The following HOTAIR variants were observed in gnomAD, a reference collection of about 807,000 sequenced individuals.
The protein encoded by HOTAIR is HOX transcript antisense RNA, also known as HOX transcript antisense RNA (non-protein coding).
At chr12:53,972,932 G>T (rs1378039612) in intron 1 of HOTAIR, among the ~76,000 whole-genome samples, 1 of 122,984 alleles carries the variant, frequency 8.1e-6, no homozygotes, top group East Asian at 2.8e-4. Flanking sequence ...CTCCTCCTTT[G>T]CTCGTGCTGT....
exon 7 of HOTAIR, chr12:53,963,343 C>G (rs909925773): frequency 7.9e-5 from 12 of 152,240 alleles, no homozygotes; most frequent in Admixed American, 4.6e-4. Context: ...AAACACACTC[C>G]CAACCCCTTT....
At chr12:53,974,841 G>T (rs755786865) in intron 1 of HOTAIR, 6 of 244,240 alleles carry the variant, frequency 2.5e-5, no homozygotes, top group Non-Finnish European at 4.7e-5. Flanking sequence ...GGCGGCCCAG[G>T]AAGGGCCCGA....
intron 1 of HOTAIR, among the ~76,000 whole-genome samples, chr12:53,971,773 A>G (rs1330742389): frequency 6.6e-6 from 1 of 152,222 alleles, no homozygotes; most frequent in Admixed American, 6.5e-5. Context: ...ACCTTTCAAT[A>G]AAGTGATTTT....
chr12:53,964,542 C>T (rs1939014698), intron 5 of HOTAIR, among the ~76,000 whole-genome samples: 1 of 152,202 alleles, frequency 6.6e-6, no homozygotes, highest in Non-Finnish European at 1.5e-5. Context: ...CAGCTTCCCC[C>T]ATTTGGAATT....
chr12:53,962,947 C>G (rs1223080018), exon 7 of HOTAIR: 2 of 152,216 alleles, frequency 1.3e-5, no homozygotes, highest in Non-Finnish European at 2.9e-5. Flanking sequence ...ATGCATTCTT[C>G]TAGACCTAAT....
chr12:53,965,740 A>AGAAG (rs376812530), intron 5 of HOTAIR, among the ~76,000 whole-genome samples: 4,338 of 152,218 alleles, frequency 0.028, 84 homozygotes, highest in Non-Finnish European at 0.04. Flanking sequence ...CAGGAGAAAA[A>AGAAG]GAAGGAAGGA....
At chr12:53,971,517 A>G (rs1446636135) in intron 1 of HOTAIR, among the ~76,000 whole-genome samples, 2 of 152,238 alleles carry the variant, frequency 1.3e-5, no homozygotes, top group Non-Finnish European at 2.9e-5. Context: ...GCACCTTATC[A>G]TGTTTCATCA....
At chr12:53,963,984 T>C (rs1939004349) in exon 7 of HOTAIR, 1 of 152,290 alleles carries the variant, frequency 6.6e-6, no homozygotes, top group Admixed American at 6.5e-5. Context: ...TTCCGGGAAC[T>C]GCCGCCTTGC....
chr12:53,974,939 C>T (rs1939228241), exon 1 of HOTAIR: 1 of 523,620 alleles, frequency 1.9e-6, no homozygotes, highest in African/African-American at 2.0e-5. Context: ...TCAGCCGCGG[C>T]TCTCGCCTGA....
rs755752688 is a variant in HOTAIR, at chr12:53,973,813, C to T, written n.59+1085G>A. On this transcript the variant is annotated intron_variant and non_coding_transcript_variant, in intron 1 of 6. Transcript: ENST00000424518. The surrounding 1 kb of genome is among the most constrained non-coding windows in gnomAD (Gnocchi z 4.3). ...GCACCCCCGGCCTCGGGACTGGCGT[C>T]CCGGGCTGAGGCGGGTGCCGAGGCG... 256 of 1,536,562 alleles carry T rather than the reference C, an allele frequency of 1.7e-4. No homozygotes were observed. The highest frequency in any genetic ancestry group is 8.4e-4 in the South Asian group (71 of 84,362).
intron 1 of HOTAIR, chr12:53,974,005 G>C (rs1939201686): frequency 1.6e-6 from 2 of 1,241,848 alleles, no homozygotes; most frequent in South Asian, 3.3e-5. Context: ...GGAGGCAAGG[G>C]GAGCGGGGAC....
At chr12:53,971,327 A>G (rs2136374127) in intron 1 of HOTAIR, among the ~76,000 whole-genome samples, 1 of 152,292 alleles carries the variant, frequency 6.6e-6, no homozygotes, top group African/African-American at 2.4e-5. Context: ...CCTATCCCTG[A>G]GTATTCCAGA....
intron 1 of HOTAIR, chr12:53,968,957 C>A (rs1246666276): frequency 6.6e-6 from 1 of 152,248 alleles, no homozygotes. Flanking sequence ...CATCTGATCG[C>A]TAATAAAGAG....
At position 53,973,156 on chromosome 12, in the gene HOTAIR, A is replaced by T. The variant is rs985878207; in HGVS notation, n.59+1742T>A. On this transcript the variant is annotated intron_variant and non_coding_transcript_variant, in intron 1 of 6. Transcript: ENST00000424518. The surrounding 1 kb of genome is among the most constrained non-coding windows in gnomAD (Gnocchi z 4.3). ...CAGAGAGAGAGAGACTAAGACGGATAACGCGTCATCTCGCCTTCCCAAATT... is the reference window on the plus strand; with the variant it reads ...CAGAGAGAGAGAGACTAAGACGGATTACGCGTCATCTCGCCTTCCCAAATT... 1.0e-6 allele frequency: 1 copy of T among 974,888 alleles called. No individual in the cohort carries two copies. The highest frequency in any genetic ancestry group is 1.5e-6 in the Non-Finnish European group (1 of 661,150). The allele number at this position is 974,888 out of a possible 1,614,324, so 60.4% of individuals were successfully genotyped here.
chr12:53,968,116 A>C (rs992956126), intron 2 of HOTAIR: 8 of 152,258 alleles, frequency 5.3e-5, no homozygotes, highest in African/African-American at 1.9e-4. Flanking sequence ...CCCAGAAACA[A>C]AGCATACCAT....
intron 1 of HOTAIR, among the ~76,000 whole-genome samples, chr12:53,971,548 C>A (rs762901612): frequency 4.6e-5 from 7 of 152,232 alleles, no homozygotes; most frequent in Non-Finnish European, 8.8e-5. Flanking sequence ...ATTCTAATTT[C>A]TTTAAGTGGA....
At chr12:53,962,937 A>G (rs1262792108) in exon 7 of HOTAIR, 1 of 152,224 alleles carries the variant, frequency 6.6e-6, no homozygotes, top group Non-Finnish European at 1.5e-5. Flanking sequence ...GTGTCTCAAG[A>G]TGCATTCTTC....
In HOTAIR at chr12:53,964,583, AC is replaced by A. The variant is rs555828956; in HGVS notation, n.552-301del. On this transcript the variant is annotated intron_variant and non_coding_transcript_variant, in intron 5 of 6. Transcript: ENST00000424518. ...CCCTGCACTTCCTGCTGAAATCCTG[AC>A]CCTGACTACACAGTGGTATTCCAGG... 3.3e-5 allele frequency among the ~76,000 whole-genome samples: 5 copies of A among 152,264 alleles called. No homozygotes were observed. The South Asian group carries it at 1.0e-3, about 32-fold the overall frequency.
rs750210157 is a variant in HOTAIR at position 53,973,546 on chromosome 12, G to A, written n.59+1352C>T. ...GCGGCGGCCGACGAGCTTATGCACC[G>A]GGAGTGCCTGCCTCCTTCCACCGTC... is the stretch of plus-strand genomic sequence containing the variant. On this transcript the variant is annotated intron_variant and non_coding_transcript_variant, in intron 1 of 6. Coordinates refer to ENST00000424518, the Ensembl canonical transcript of HOTAIR. This position sits in a 1 kb window ranked among gnomAD's most constrained non-coding sequence, Gnocchi z 4.3. 2 of 1,613,114 alleles carry A rather than the reference G, an allele frequency of 1.2e-6. No homozygotes were observed. Among genetic ancestry groups the A allele is most frequent in the African/African-American group, 1.3e-5 (1 of 74,844 alleles).
Sources: gnomAD v4.1 joint callset for allele counts (sites outside exome capture counted in the v4.1 genomes callset) on GRCh38, gnomAD v4.1.1 for gene constraint, Gnocchi (gnomAD v3.1) non-coding constraint, MANE v1.5 for transcripts, NCBI Gene and HGNC (gene_info 2026-07-23, HGNC 2026-07-21) for gene names.